The following DCP1A variants were observed in gnomAD, a reference collection of about 807,000 sequenced individuals.
The protein encoded by DCP1A is mRNA-decapping enzyme 1A.
A neutral mutation model predicts 58.0 loss-of-function variants in DCP1A; 20 were observed. That is an observed-to-expected ratio of 0.34 (90% CI 0.24 to 0.50). The LOEUF (loss-of-function observed/expected upper bound fraction) is 0.50. Ranked by LOEUF, DCP1A falls within the 20% of genes least tolerant of loss-of-function variation. The pLI is 0.98. For synonymous variants in DCP1A, 285 were observed against 275.1 expected (o/e 1.04, Z -0.36); for missense variants, 613 against 712.2 (o/e 0.86, Z 1.59).
At chr3:53,313,699 C>T (rs578100800) in intron 4 of DCP1A, among the ~76,000 whole-genome samples, 36 of 151,588 alleles carry the variant, frequency 2.4e-4, no homozygotes, top group African/African-American at 7.3e-4. Context: ...TGAGGCAGGA[C>T]GATCACTTGA....
intron 5 of DCP1A, among the ~76,000 whole-genome samples, chr3:53,311,278 T>C (rs1210635675): frequency 6.6e-6 from 1 of 152,208 alleles, no homozygotes; most frequent in African/African-American, 2.4e-5. Context: ...GGAAAGCACT[T>C]AATTCAATAT....
intron 9 of DCP1A, 121 bp downstream of exon 9, chr3:53,287,944 T>C (rs1024158264): frequency 1.9e-6 from 2 of 1,036,038 alleles, no homozygotes; most frequent in Non-Finnish European, 2.8e-6. Context: ...TGTGAGCCAC[T>C]TTGCCTGGCC....
chr3:53,320,197 T>C (rs1264493432), intron 3 of DCP1A, among the ~76,000 whole-genome samples: 1 of 151,946 alleles, frequency 6.6e-6, no homozygotes, highest in East Asian at 1.9e-4. Context: ...TCTATATCCA[T>C]CCTATGACTG....
intron 3 of DCP1A, among the ~76,000 whole-genome samples, chr3:53,331,067 C>G (rs1350274411): frequency 2.6e-5 from 4 of 152,144 alleles, no homozygotes; most frequent in African/African-American, 9.7e-5. Context: ...CCATGTTGGT[C>G]AGGCTGGTCT....
At chr3:53,326,963 T>C (rs1336505891) in intron 3 of DCP1A, among the ~76,000 whole-genome samples, 1 of 148,966 alleles carries the variant, frequency 6.7e-6, no homozygotes, top group Non-Finnish European at 1.5e-5. Flanking sequence ...CTGCCAAATG[T>C]TGGACATGTC....
At chr3:53,302,745 T>C (rs1456826298) in intron 6 of DCP1A, among the ~76,000 whole-genome samples, 1 of 151,808 alleles carries the variant, frequency 6.6e-6, no homozygotes, top group African/African-American at 2.4e-5. Flanking sequence ...TACCTCAGCT[T>C]CCCGAATAGC....
At chr3:53,338,096 C>G in intron 3 of DCP1A, 1 of 419,946 alleles carries the variant, frequency 2.4e-6, no homozygotes, top group East Asian at 7.2e-5. Flanking sequence ...ATTACCTTTG[C>G]GAATCTCGAG....
chr3:53,340,888 CAGA>C (rs1459478929), intron 3 of DCP1A, among the ~76,000 whole-genome samples: 1 of 152,136 alleles, frequency 6.6e-6, no homozygotes, highest in Non-Finnish European at 1.5e-5. Context: ...GACTAAAAAG[CAGA>C]AGAATAGTCA....
At chr3:53,307,353 T>G (rs1311535286) in intron 5 of DCP1A, among the ~76,000 whole-genome samples, 2 of 152,142 alleles carry the variant, frequency 1.3e-5, no homozygotes, top group African/African-American at 4.8e-5. Context: ...TTGTAATTTT[T>G]AGAGACAGGC....
rs576125143 is a variant in DCP1A, at chr3:53,295,126, C to T, written c.625-2299G>A. Among the ~76,000 whole-genome samples the T allele has an allele frequency of 1.4e-4, 21 of 152,262 alleles. No individual in the cohort carries two copies. In the South Asian group the frequency reaches 3.7e-3, roughly 27 times the overall value. On this transcript the variant is annotated intron_variant, in intron 6 of 9. Coordinates refer to ENST00000610213, the MANE Select transcript of DCP1A (RefSeq NM_018403.7). ...GGGCCAGCAGCGATGAGCATGCAGG[C>T]AAGTTTGCATGTGAAGGACAGAAAG...
intron 3 of DCP1A, among the ~76,000 whole-genome samples, chr3:53,335,313 G>A (rs888276764): frequency 4.6e-5 from 7 of 151,934 alleles, no homozygotes; most frequent in African/African-American, 1.7e-4. Context: ...GCTAATTTTT[G>A]TATTTTTAGT....
At chr3:53,295,796 A>G (rs1707103492) in intron 6 of DCP1A, among the ~76,000 whole-genome samples, 1 of 152,232 alleles carries the variant, frequency 6.6e-6, no homozygotes, top group Non-Finnish European at 1.5e-5. Flanking sequence ...ATGATCTCAG[A>G]ACACTGTTGT....
At position 53,290,777 on chromosome 3, in the gene DCP1A, A is replaced by T. The variant is rs1706833874; in HGVS notation, c.1449+14T>A. The T allele has an allele frequency of 7.3e-7, 1 of 1,370,376 alleles. No individual in the cohort carries two copies. Among genetic ancestry groups the T allele is most frequent in the Non-Finnish European group, 1.0e-6 (1 of 993,000 alleles). The allele number at this position is 1,370,376 out of a possible 1,614,324, so 84.9% of individuals were successfully genotyped here. On this transcript the variant is annotated intron_variant, in intron 8 of 9. Coordinates refer to ENST00000610213, the MANE Select transcript of DCP1A (RefSeq NM_018403.7). Reference sequence around the variant, plus strand: ...AAAAAAAAAAAAAAAAAAAAAAAAAAAGCGAGTCCTTACCGGGATGGCACT... The same window carrying T: ...AAAAAAAAAAAAAAAAAAAAAAAAATAGCGAGTCCTTACCGGGATGGCACT...
At chr3:53,305,405 A>G (rs1470376481) in intron 5 of DCP1A, among the ~76,000 whole-genome samples, 2 of 149,154 alleles carry the variant, frequency 1.3e-5, no homozygotes, top group Non-Finnish European at 3.0e-5. Context: ...CCTGGATTTT[A>G]GTGGCTTGAT....
intron 2 of DCP1A, among the ~76,000 whole-genome samples, chr3:53,343,900 TGC>T (rs2089255610): frequency 6.6e-6 from 1 of 152,184 alleles, no homozygotes; most frequent in South Asian, 2.1e-4. Context: ...CGTGAGCCAC[TGC>T]ACCCGGCCGA....
chr3:53,341,316 G>C (rs781884978), intron 3 of DCP1A, among the ~76,000 whole-genome samples: 1 of 151,996 alleles, frequency 6.6e-6, no homozygotes, highest in Admixed American at 6.6e-5. Flanking sequence ...TTAGCCAGGC[G>C]TGGTGGCGGG....
chr3:53,342,322 G>A (rs989872305), intron 2 of DCP1A, 51 bp from the exon 3 acceptor site: 1 of 1,333,194 alleles, frequency 7.5e-7, no homozygotes, highest in Non-Finnish European at 1.0e-6. Flanking sequence ...TTAATCTGTA[G>A]AAATGTTATC....
chr3:53,293,427 T>G (rs201266694), intron 6 of DCP1A, among the ~76,000 whole-genome samples: 1 of 152,320 alleles, frequency 6.6e-6, no homozygotes, highest in Admixed American at 6.5e-5. Context: ...AAAACATTCG[T>G]GTTTTCCTGT....
chr3:53,314,422 C>T (rs893734177), intron 4 of DCP1A, among the ~76,000 whole-genome samples: 1 of 152,102 alleles, frequency 6.6e-6, no homozygotes, highest in African/African-American at 2.4e-5. Flanking sequence ...TCATGGTAGA[C>T]TGAAAGACTG....
Sources: allele counts gnomAD v4.1 joint callset (sites outside exome capture counted in the v4.1 genomes callset), GRCh38; gene constraint gnomAD v4.1.1; transcripts MANE v1.5; gene names NCBI Gene and HGNC (gene_info 2026-07-23, HGNC 2026-07-21).